The following PMM2 variants were observed in gnomAD, a reference collection of about 807,000 sequenced individuals.
PMM2 encodes phosphomannomutase 2, also known as mannose-6-phosphate isomerase.
In PMM2, 35 loss-of-function variants were observed where a neutral mutation model predicts 33.2. The observed-to-expected ratio is 1.06, with a 90% confidence interval of 0.81 to 1.40. PMM2 has a LOEUF of 1.40. PMM2 is among the 40% of genes most tolerant of loss of function. PMM2 has a pLI of 0.00. For synonymous variants in PMM2, 153 were observed against 114.7 expected (o/e 1.33, Z -2.13); for missense variants, 386 against 306.0 (o/e 1.26, Z -1.95).
intron 7 of PMM2, chr16:8,842,512 C>G (rs1221609466): frequency 6.6e-6 from 1 of 152,056 alleles, no homozygotes; most frequent in Non-Finnish European, 1.5e-5. Context: ...CAGGGTCAGT[C>G]CAGGTGAAAG....
chr16:8,810,746 T>C (rs995066005), intron 4 of PMM2: 2 of 366,224 alleles, frequency 5.5e-6, no homozygotes, highest in Non-Finnish European at 1.0e-5. Context: ...CAGGCTATTT[T>C]TTGTATTTTT....
At chr16:8,838,409 T>G (rs1020284668) in intron 7 of PMM2, among the ~76,000 whole-genome samples, 2 of 152,090 alleles carry the variant, frequency 1.3e-5, no homozygotes, top group African/African-American at 2.4e-5. Flanking sequence ...CATTCCTGCC[T>G]TCTTATGTTA....
intron 7 of PMM2, among the ~76,000 whole-genome samples, chr16:8,816,629 T>A (rs903965278): frequency 2.0e-5 from 3 of 151,948 alleles, no homozygotes; most frequent in Non-Finnish European, 2.9e-5. Flanking sequence ...TCATCCCAGC[T>A]ACTTGGGAGG....
chr16:8,833,579 G>A (rs1348042300), intron 7 of PMM2, among the ~76,000 whole-genome samples: 5 of 151,682 alleles, frequency 3.3e-5, no homozygotes, highest in Non-Finnish European at 5.9e-5. Context: ...TCTCAGGGCT[G>A]CTTCAAGCGG....
chr16:8,833,164 T>A (rs1447413858), intron 7 of PMM2, among the ~76,000 whole-genome samples: 1 of 152,190 alleles, frequency 6.6e-6, no homozygotes, highest in African/African-American at 2.4e-5. Context: ...TGGTGGATTA[T>A]CATTAGTTCT....
In PMM2 at chr16:8,806,421, T is replaced by TTAA. The variant is rs1339774863; in HGVS notation, c.347+14_347+15insTAA. Reference sequence around the variant, plus strand: ...CCCGAAGAAGAGGTGGGTTTGCTTTTAACAAAGAGGCGTCACAGGAACATA... The same window carrying TTAA: ...CCCGAAGAAGAGGTGGGTTTGCTTTTTAAAACAAAGAGGCGTCACAGGAACATA... On this transcript the variant is annotated intron_variant, in intron 4 of 7. Transcript: ENST00000268261. The TTAA allele has an allele frequency of 1.9e-6, 3 of 1,538,494 alleles. No individual in the cohort carries two copies. Among genetic ancestry groups the TTAA allele is most frequent in the Non-Finnish European group, 2.7e-6 (3 of 1,111,006 alleles).
chr16:8,807,730 A>G (rs1468997295), intron 4 of PMM2: 1 of 152,396 alleles, frequency 6.6e-6, no homozygotes, highest in African/African-American at 2.4e-5. Context: ...CCTGGCCTCA[A>G]GCGATCCTCC....
At chr16:8,826,822 T>G (rs1056458224) in intron 7 of PMM2, among the ~76,000 whole-genome samples, 1 of 152,212 alleles carries the variant, frequency 6.6e-6, no homozygotes, top group Non-Finnish European at 1.5e-5. Context: ...TTTACAAATC[T>G]TGTCACGACT....
intron 7 of PMM2, among the ~76,000 whole-genome samples, chr16:8,842,861 T>C (rs2060898948): frequency 1.3e-5 from 2 of 151,906 alleles, no homozygotes; most frequent in South Asian, 4.2e-4. Context: ...GTAAGGGTGA[T>C]TAGGTTTTAA....
chr16:8,828,187 A>G (rs575151210), intron 7 of PMM2, among the ~76,000 whole-genome samples: 1 of 151,860 alleles, frequency 6.6e-6, no homozygotes, highest in South Asian at 2.1e-4. Flanking sequence ...CTACAGAAGT[A>G]TAAGATGTCT....
chr16:8,835,557 CAGG>C (rs879395725), intron 7 of PMM2, among the ~76,000 whole-genome samples: 1 of 151,902 alleles, frequency 6.6e-6, no homozygotes, highest in Admixed American at 6.6e-5. Context: ...GTATTGAGGA[CAGG>C]AGAGTATATG....
intron 1 of PMM2, among the ~76,000 whole-genome samples, chr16:8,801,037 A>C (rs772998924): frequency 1.3e-5 from 2 of 152,186 alleles, no homozygotes; most frequent in Non-Finnish European, 2.9e-5. Flanking sequence ...CAACAACTTA[A>C]ATCCATAAAT....
At chr16:8,830,162 C>A (rs1347294330) in intron 7 of PMM2, among the ~76,000 whole-genome samples, 1 of 152,166 alleles carries the variant, frequency 6.6e-6, no homozygotes, top group Admixed American at 6.5e-5. Flanking sequence ...AGCCCCCAGT[C>A]GAAGAGAACT....
At chr16:8,800,806 C>A (rs1225301211) in intron 1 of PMM2, among the ~76,000 whole-genome samples, 2 of 152,308 alleles carry the variant, frequency 1.3e-5, no homozygotes, top group Non-Finnish European at 2.9e-5. Context: ...GCCTCAGCCT[C>A]CCGAGTAGCT....
intron 7 of PMM2, among the ~76,000 whole-genome samples, chr16:8,843,412 T>G (rs2060902950): frequency 6.6e-6 from 1 of 152,124 alleles, no homozygotes; most frequent in African/African-American, 2.4e-5. Context: ...CTAGGGGCTC[T>G]GGGAGTGGCT....
At chr16:8,818,717 G>T (rs2060721137) in intron 7 of PMM2, among the ~76,000 whole-genome samples, 1 of 149,834 alleles carries the variant, frequency 6.7e-6, no homozygotes, top group Non-Finnish European at 1.5e-5. Flanking sequence ...GAGTGAGGAA[G>T]TGTGGCGTTG....
intron 1 of PMM2, among the ~76,000 whole-genome samples, chr16:8,800,232 G>C (rs1037896334): frequency 2.0e-5 from 3 of 151,870 alleles, no homozygotes; most frequent in African/African-American, 7.3e-5. Context: ...ATGATGGCGG[G>C]CGCCTGTAAT....
intron 7 of PMM2, among the ~76,000 whole-genome samples, chr16:8,835,080 C>G (rs4625718): frequency 0.74 from 94,083 of 127,174 alleles, 31,270 homozygotes; most frequent in Middle Eastern, 0.78. Context: ...GTGATTTTTA[C>G]GGCCTCTAAA....
intron 7 of PMM2, chr16:8,832,299 G>C (rs555699961): frequency 3.0e-6 from 3 of 985,436 alleles, no homozygotes; most frequent in African/African-American, 1.7e-5. Context: ...CTCTGAAAGC[G>C]GGTGGAGCTG....
Sources: allele counts gnomAD v4.1 joint callset (sites outside exome capture counted in the v4.1 genomes callset), GRCh38; gene constraint gnomAD v4.1.1; transcripts MANE v1.5; gene names NCBI Gene and HGNC (gene_info 2026-07-23, HGNC 2026-07-21).